ST8SIA5: variants seen among roughly 807,000 people sequenced by gnomAD.
The protein encoded by ST8SIA5 is alpha-2,8-sialyltransferase 8E.
A neutral mutation model predicts 40.2 loss-of-function variants in ST8SIA5; 24 were observed. The ratio of observed to expected loss-of-function variants is 0.60; its 90% CI spans 0.43 to 0.84. The LOEUF (loss-of-function observed/expected upper bound fraction) is 0.84, where lower values mean the gene tolerates loss of function less well. Ranked by LOEUF, ST8SIA5 falls within the 40% of genes least tolerant of loss-of-function variation. The pLI is 0.00. For missense variants in ST8SIA5, 465 were observed against 498.5 expected (o/e 0.93, Z 0.64); for synonymous variants, 198 against 201.8 (o/e 0.98, Z 0.16).
In ST8SIA5 at chr18:46,668,228, G is replaced by T. The variant is rs1366890069; in HGVS notation, c.*11814C>A. 6.6e-6 allele frequency: 1 copy of T among 152,270 alleles called. No homozygotes were observed. The highest frequency in any genetic ancestry group is 1.5e-5 in the Non-Finnish European group (1 of 68,074). 9.4% of individuals were successfully genotyped at this position (152,270 alleles called of 1,614,324 possible). The stretch of plus-strand genomic sequence containing the variant: ...CGGGAAAGGCTCCACGGAGCGCAGT[G>T]CAGCGTGACTTGGCTCTTTGAGAGG... On this transcript the variant is annotated 3_prime_UTR_variant, in exon 7 of 7. Transcript: ENST00000315087.
At chr18:46,735,994 T>C (rs887010094) in intron 1 of ST8SIA5, among the ~76,000 whole-genome samples, 1 of 152,206 alleles carries the variant, frequency 6.6e-6, no homozygotes, top group African/African-American at 2.4e-5. Flanking sequence ...CTCTGTGTTG[T>C]TACAGCTGCG....
At chr18:46,748,931 TAA>T (rs1265134317) in intron 1 of ST8SIA5, among the ~76,000 whole-genome samples, 1 of 152,094 alleles carries the variant, frequency 6.6e-6, no homozygotes. Context: ...CACAAAAACT[TAA>T]CATAACAGTG....
At chr18:46,745,574 A>T (rs974052275) in intron 1 of ST8SIA5, among the ~76,000 whole-genome samples, 1 of 152,220 alleles carries the variant, frequency 6.6e-6, no homozygotes, top group Non-Finnish European at 1.5e-5. Context: ...GGCAATAATT[A>T]ATAGCCTACC....
intron 1 of ST8SIA5, among the ~76,000 whole-genome samples, chr18:46,742,030 AG>A (rs1442408406): frequency 6.6e-6 from 1 of 151,048 alleles, no homozygotes; most frequent in African/African-American, 2.4e-5. Flanking sequence ...TGAACCCAGG[AG>A]GTGGAGGTTG....
At chr18:46,720,368 G>A (rs2144527126) in intron 1 of ST8SIA5, among the ~76,000 whole-genome samples, 1 of 152,232 alleles carries the variant, frequency 6.6e-6, no homozygotes, top group South Asian at 2.1e-4. Flanking sequence ...TGGTCCCAAA[G>A]GCCAGCATAA....
intron 1 of ST8SIA5, among the ~76,000 whole-genome samples, chr18:46,719,712 T>TTCTTTCTC (rs2039838412): frequency 1.3e-5 from 2 of 150,598 alleles, no homozygotes. Context: ...CTTTCTCTCT[T>TTCTTTCTC]TCTTTCTCTC....
chr18:46,736,938 C>G lies in ST8SIA5; in HGVS notation c.131+19440G>C, dbSNP rs573955598. On this transcript the variant is annotated intron_variant, in intron 1 of 6. Transcript: ENST00000315087. ...CCAGGGGCTCTGCAGGACCTGTGGG[C>G]CCCCTGGAAGGAGCCAGCAAAGCCC... 3.9e-5 allele frequency among the ~76,000 whole-genome samples: 6 copies of G among 152,208 alleles called. No individual in the cohort carries two copies. In the East Asian group the frequency reaches 1.2e-3, roughly 29 times the overall value.
chr18:46,687,574 TA>T (rs2039460177), intron 4 of ST8SIA5, among the ~76,000 whole-genome samples: 1 of 152,118 alleles, frequency 6.6e-6, no homozygotes, highest in South Asian at 2.1e-4. Context: ...ACCCACCTCA[TA>T]AAGGTGGCTC....
At chr18:46,701,383 C>A (rs1370989974) in intron 2 of ST8SIA5, among the ~76,000 whole-genome samples, 4 of 151,988 alleles carry the variant, frequency 2.6e-5, no homozygotes, top group African/African-American at 9.7e-5. Flanking sequence ...TCAGGTGATC[C>A]ACCTGCCTCA....
chr18:46,746,076 A>T (rs2040137027), intron 1 of ST8SIA5, among the ~76,000 whole-genome samples: 1 of 152,174 alleles, frequency 6.6e-6, no homozygotes, highest in Non-Finnish European at 1.5e-5. Context: ...TCAAAATAAT[A>T]AGAGCTATTT....
At chr18:46,731,824 CT>C (rs2039987378) in intron 1 of ST8SIA5, 1 of 152,164 alleles carries the variant, frequency 6.6e-6, no homozygotes, top group Non-Finnish European at 1.5e-5. Context: ...CTTCTTGGAC[CT>C]TTTAGAGCAT....
intron 1 of ST8SIA5, among the ~76,000 whole-genome samples, chr18:46,709,860 A>G (rs2039705506): frequency 6.6e-6 from 1 of 152,150 alleles, no homozygotes; most frequent in Non-Finnish European, 1.5e-5. Context: ...TGATTCTTTT[A>G]TTATTGGAAA....
chr18:46,699,307 A>T (rs751759013), intron 2 of ST8SIA5, among the ~76,000 whole-genome samples: 1 of 152,170 alleles, frequency 6.6e-6, no homozygotes, highest in Non-Finnish European at 1.5e-5. Flanking sequence ...CAATTGTGGA[A>T]ATGTGGGAGG....
chr18:46,743,262 C>T (rs1181982523), intron 1 of ST8SIA5, among the ~76,000 whole-genome samples: 2 of 152,152 alleles, frequency 1.3e-5, no homozygotes, highest in Non-Finnish European at 2.9e-5. Context: ...TAACAAACTT[C>T]TCCGAGCTAA....
In ST8SIA5 at chr18:46,696,101, G is replaced by A. The variant is rs540589434; in HGVS notation, c.225-3846C>T. On this transcript the variant is annotated intron_variant, in intron 2 of 6. Coordinates refer to ENST00000315087, the MANE Select transcript of ST8SIA5 (RefSeq NM_013305.6). ...TGCACAGAGACCTGAAATGACACAG[G>A]AGTGAGCTGTGCAAATATCTGGGAA... Among the ~76,000 whole-genome samples the A allele has an allele frequency of 1.6e-4, 24 of 152,336 alleles. 1 individual carries two copies. The South Asian group carries it at 3.7e-3, about 24-fold the overall frequency.
Position 46,686,256 on chromosome 18 carries a change from T to C in ST8SIA5, c.487A>G (p.Lys163Glu), listed in dbSNP as rs763856333. The change falls in exon 5 of 7, where the codon AAG becomes GAG. Residue 163 changes from lysine (K) to glutamate (E), a missense_variant. Coordinates refer to ENST00000315087, the MANE Select transcript of ST8SIA5 (RefSeq NM_013305.6). Reference protein sequence around the residue: ...DMPYYRSQFKKCAVVGNGGIL... With the variant: ...DMPYYRSQFKECAVVGNGGIL... ...CCTCCGTTGCCCACTACAGCACACT[T>C]CTTAAACTGGGACCGGTAGTAGGGC... 3.7e-6 allele frequency: 6 copies of C among 1,613,976 alleles called. No homozygotes were observed.
chr18:46,735,031 A>G (rs888912769), intron 1 of ST8SIA5, among the ~76,000 whole-genome samples: 1 of 152,228 alleles, frequency 6.6e-6, no homozygotes, highest in Non-Finnish European at 1.5e-5. Flanking sequence ...TCAACTGCCA[A>G]TGTGGCTAGA....
rs2039292578 is a variant in ST8SIA5 at position 46,668,979 on chromosome 18, G to C, written c.*11063C>G. On this transcript the variant is annotated 3_prime_UTR_variant, in exon 7 of 7. Coordinates refer to ENST00000315087, the MANE Select transcript of ST8SIA5 (RefSeq NM_013305.6). ...GCCAGCACCATGGTCCCTGACCCCA[G>C]CTTGCCCCGCTCTCCTGCTTTGCTC... 6.6e-6 allele frequency: 1 copy of C among 152,414 alleles called. No individual in the cohort carries two copies. Among genetic ancestry groups the C allele is most frequent in the African/African-American group, 2.4e-5 (1 of 41,488 alleles). 9.4% of individuals were successfully genotyped at this position (152,414 alleles called of 1,614,324 possible).
intron 5 of ST8SIA5, 132 bp from the exon 6 acceptor site, chr18:46,682,196 C>A: frequency 1.5e-6 from 1 of 645,208 alleles, no homozygotes; most frequent in Non-Finnish European, 2.6e-6. Context: ...GGCAGGTTCT[C>A]TGTAGCCAGG....
Sources: allele counts gnomAD v4.1 joint callset (sites outside exome capture counted in the v4.1 genomes callset), GRCh38; gene constraint gnomAD v4.1.1; transcripts MANE v1.5; gene names NCBI Gene and HGNC (gene_info 2026-07-23, HGNC 2026-07-21).